GNG2: variants seen among roughly 807,000 people sequenced by gnomAD.
GNG2 encodes guanine nucleotide-binding protein G(I)/G(S)/G(O) subunit gamma-2.
GNG2 carries 5 observed loss-of-function variants against 5.5 expected under a neutral mutation model. That is an observed-to-expected ratio of 0.91 (90% confidence interval 0.48 to 1.92). The LOEUF (loss-of-function observed/expected upper bound fraction) is 1.92, where lower values mean the gene tolerates loss of function less well. GNG2 is among the 30% of genes most tolerant of loss of function. The pLI is 0.01. For missense variants in GNG2, 55 were observed against 88.4 expected (o/e 0.62, Z 1.52); for synonymous variants, 28 against 32.0 (o/e 0.88, Z 0.42).
At chr14:51,946,254 G>A (rs1185947161) in intron 2 of GNG2, among the ~76,000 whole-genome samples, 1 of 152,110 alleles carries the variant, frequency 6.6e-6, no homozygotes, top group African/African-American at 2.4e-5. Context: ...GTAGAGGTGG[G>A]GAAGATTGTC....
At chr14:51,829,069 G>T (rs1881110701) in intron 2 of GNG2, among the ~76,000 whole-genome samples, 1 of 152,148 alleles carries the variant, frequency 6.6e-6, no homozygotes, top group African/African-American at 2.4e-5. Flanking sequence ...GTGAGCAAAG[G>T]CACTGATAGG....
chr14:51,872,101 GC>G (rs1297164473), intron 1 of GNG2, among the ~76,000 whole-genome samples: 4 of 152,208 alleles, frequency 2.6e-5, no homozygotes, highest in Non-Finnish European at 5.9e-5. Context: ...AACACAAAGA[GC>G]ATCTCTGCTA....
At chr14:51,944,492 G>C (rs895490007) in intron 2 of GNG2, among the ~76,000 whole-genome samples, 2 of 152,086 alleles carry the variant, frequency 1.3e-5, no homozygotes, top group Non-Finnish European at 2.9e-5. Context: ...TTATATTGAG[G>C]GTTAAGCTTT....
At chr14:51,961,223 C>A (rs1410464768) in intron 3 of GNG2, among the ~76,000 whole-genome samples, 1 of 152,152 alleles carries the variant, frequency 6.6e-6, no homozygotes, top group Admixed American at 6.5e-5. Context: ...TTAGTTGGCC[C>A]TTATTACTCC....
At chr14:51,926,896 G>A (rs778761007) in intron 2 of GNG2, among the ~76,000 whole-genome samples, 1 of 152,110 alleles carries the variant, frequency 6.6e-6, no homozygotes, top group Non-Finnish European at 1.5e-5. Context: ...CTACAACAAT[G>A]TTTTGTCTTT....
chr14:51,926,600 G>A (rs1887337944), intron 2 of GNG2, among the ~76,000 whole-genome samples: 1 of 152,156 alleles, frequency 6.6e-6, no homozygotes, highest in African/African-American at 2.4e-5. Flanking sequence ...CTACCGGCCT[G>A]CGCACTGGGC....
chr14:51,952,777 G>C (rs1411630200), intron 3 of GNG2, among the ~76,000 whole-genome samples: 1 of 152,122 alleles, frequency 6.6e-6, no homozygotes, highest in Non-Finnish European at 1.5e-5. Flanking sequence ...GCTCCTATTT[G>C]CTGTCTGCAA....
At chr14:51,887,133 C>G (rs1467938660) in intron 2 of GNG2, among the ~76,000 whole-genome samples, 1 of 152,134 alleles carries the variant, frequency 6.6e-6, no homozygotes, top group Non-Finnish European at 1.5e-5. Context: ...GAAAGATGAT[C>G]TGGAGGAGCT....
In GNG2 at chr14:51,843,947, C is replaced by A. The variant is rs553092704; in HGVS notation, c.64+16140C>A. Among the ~76,000 whole-genome samples, 28 of 152,314 alleles carry A rather than the reference C, an allele frequency of 1.8e-4. No homozygotes were observed. The South Asian group carries it at 4.3e-3, about 24-fold the overall frequency. ...TGCAAGGCCCCCTTTCTCCTCCCCACCCCTTGGTCACCACCTTGGTTTCCA... is the reference window on the plus strand; with the variant it reads ...TGCAAGGCCCCCTTTCTCCTCCCCAACCCTTGGTCACCACCTTGGTTTCCA... On this transcript the variant is annotated intron_variant, in intron 2 of 3. Transcript: ENST00000553432.
chr14:51,945,798 G>C lies in GNG2; in HGVS notation c.-29-4852G>C, dbSNP rs1409087362. ...TGTATGTGTATGTGTATGTGTGTGTGTGTGTGATGCAGGGTCCAAATACCT... is the reference window on the plus strand; with the variant it reads ...TGTATGTGTATGTGTATGTGTGTGTCTGTGTGATGCAGGGTCCAAATACCT... On this transcript the variant is annotated intron_variant, in intron 2 of 3. Transcript: ENST00000556766. Among the ~76,000 whole-genome samples, 55 of 152,084 alleles carry C rather than the reference G, an allele frequency of 3.6e-4. No homozygotes were observed. The South Asian group carries it at 0.011, about 32-fold the overall frequency.
At chr14:51,940,870 G>A (rs1888280271) in intron 2 of GNG2, among the ~76,000 whole-genome samples, 1 of 152,122 alleles carries the variant, frequency 6.6e-6, no homozygotes, top group African/African-American at 2.4e-5. Flanking sequence ...CTGGCAGGCC[G>A]ATATTTTGCA....
chr14:51,918,112 A>G (rs769907523), intron 2 of GNG2, among the ~76,000 whole-genome samples: 2 of 152,172 alleles, frequency 1.3e-5, no homozygotes, highest in African/African-American at 2.4e-5. Context: ...ACAGGATAAT[A>G]AACCAGAAGC....
intron 2 of GNG2, among the ~76,000 whole-genome samples, chr14:51,934,271 G>A (rs1241377837): frequency 6.6e-6 from 1 of 152,186 alleles, no homozygotes. Flanking sequence ...GTCACAGTGA[G>A]AGTGATCCTG....
At chr14:51,845,514 A>T (rs1266109643) in intron 2 of GNG2, among the ~76,000 whole-genome samples, 1 of 152,126 alleles carries the variant, frequency 6.6e-6, no homozygotes, top group East Asian at 1.9e-4. Flanking sequence ...ATATCCATGG[A>T]TCTTTAAACT....
At chr14:51,905,514 T>C (rs1035327955) in intron 2 of GNG2, among the ~76,000 whole-genome samples, 5 of 152,156 alleles carry the variant, frequency 3.3e-5, no homozygotes, top group Non-Finnish European at 7.4e-5. Flanking sequence ...AGTGAAAAAA[T>C]AAAAATAAAT....
intron 2 of GNG2, among the ~76,000 whole-genome samples, chr14:51,915,100 A>C (rs1481791235): frequency 6.6e-6 from 1 of 152,238 alleles, no homozygotes; most frequent in African/African-American, 2.4e-5. Context: ...CACTTCAGCT[A>C]CTAAGAGATG....
At position 51,861,831 on chromosome 14, in the gene GNG2, T is replaced by A. The variant is rs139880494; in HGVS notation, c.-71+1041T>A. The stretch of plus-strand genomic sequence containing the variant: ...CACGATTTAAAGAATTAAGCTTTTT[T>A]AATCTTCAACAGAAAGTACAGTTAA... On this transcript the variant is annotated intron_variant, in intron 1 of 3. Transcript: ENST00000556766. 1.3e-3 allele frequency among the ~76,000 whole-genome samples: 195 copies of A among 152,360 alleles called. No individual in the cohort carries two copies. The Middle Eastern group carries it at 0.014, about 11-fold the overall frequency.
chr14:51,850,824 T>G (rs977550490), intron 2 of GNG2, among the ~76,000 whole-genome samples: 4 of 152,074 alleles, frequency 2.6e-5, no homozygotes, highest in African/African-American at 9.7e-5. Flanking sequence ...CACCCACTTT[T>G]AAGTGATCAG....
intron 2 of GNG2, among the ~76,000 whole-genome samples, chr14:51,889,337 T>A (rs1884689220): frequency 6.6e-6 from 1 of 152,076 alleles, no homozygotes; most frequent in Non-Finnish European, 1.5e-5. Context: ...GGTCACAAAC[T>A]CCTGACCTCA....
Sources: allele counts gnomAD v4.1 joint callset (sites outside exome capture counted in the v4.1 genomes callset), GRCh38; gene constraint gnomAD v4.1.1; transcripts MANE v1.5; gene names NCBI Gene and HGNC (gene_info 2026-07-23, HGNC 2026-07-21).